ANKRD44: variants seen among roughly 807,000 people sequenced by gnomAD.
ANKRD44 encodes ankyrin repeat domain 44.
In ANKRD44, 35 loss-of-function variants were observed where a neutral mutation model predicts 116.0. That is an observed-to-expected ratio of 0.30 (90% confidence interval 0.23 to 0.40). The LOEUF (loss-of-function observed/expected upper bound fraction) is 0.40, where lower values mean the gene tolerates loss of function less well. Among genes scored for constraint, ANKRD44 ranks in the 10% least tolerant of loss-of-function variants. The pLI is 1.00. For synonymous variants in ANKRD44, 435 were observed against 461.8 expected (o/e 0.94, Z 0.74); for missense variants, 1,014 against 1,242.6 (o/e 0.82, Z 2.77).
chr2:197,239,669 T>TG (rs1367023461), intron 1 of ANKRD44, among the ~76,000 whole-genome samples: 2 of 152,376 alleles, frequency 1.3e-5, no homozygotes, highest in African/African-American at 4.8e-5. Context: ...CAACGTGTCT[T>TG]GGTTTTACTT....
chr2:197,089,850 C>A, intron 11 of ANKRD44, 100 bp downstream of exon 11: 1 of 959,838 alleles, frequency 1.0e-6, no homozygotes. Context: ...CAGGTAATGA[C>A]ATGAAGCACA....
At chr2:197,210,950 G>A (rs2697306) in intron 1 of ANKRD44, among the ~76,000 whole-genome samples, 52,472 of 151,926 alleles carry the variant, frequency 0.35, 10,115 homozygotes, top group African/African-American at 0.53. Flanking sequence ...TGCTCCATCA[G>A]TGGGGTTTAC....
At chr2:197,233,669 A>C (rs1162270750) in intron 1 of ANKRD44, among the ~76,000 whole-genome samples, 2 of 152,220 alleles carry the variant, frequency 1.3e-5, no homozygotes, top group Non-Finnish European at 2.9e-5. Context: ...CACTGGTCAC[A>C]GCTTCTTGTT....
At chr2:197,013,026 A>C (rs533568422) in intron 18 of ANKRD44, among the ~76,000 whole-genome samples, 3 of 152,216 alleles carry the variant, frequency 2.0e-5, no homozygotes, top group African/African-American at 7.2e-5. Context: ...TGATTTTTAC[A>C]TCGATGTGTA....
chr2:197,140,267 T>G (rs1331590671), intron 3 of ANKRD44, among the ~76,000 whole-genome samples: 1 of 152,088 alleles, frequency 6.6e-6, no homozygotes, highest in East Asian at 1.9e-4. Context: ...ATGTATAAGA[T>G]TGCTTAGTTT....
intron 9 of ANKRD44, among the ~76,000 whole-genome samples, chr2:197,108,859 C>CAAAAAAA (rs1380015361): frequency 1.0e-4 from 15 of 148,658 alleles, no homozygotes; most frequent in African/African-American, 3.9e-4. Flanking sequence ...ACAACAACAA[C>CAAAAAAA]AACAACAACA....
chr2:197,013,581 C>T lies in ANKRD44; in HGVS notation c.1854G>A (p.Ala618=), dbSNP rs766324388. 4.3e-5 allele frequency: 69 copies of T among 1,614,038 alleles called. No homozygotes were observed. Among genetic ancestry groups the T allele is most frequent in the Middle Eastern group, 3.3e-4 (2 of 6,082 alleles). Reference sequence around the variant, plus strand: ...AGATGGATGCGCCCTGATTGATAAGCGCTTCCACACATTCTGTGTGTCCTT... The same window carrying T: ...AGATGGATGCGCCCTGATTGATAAGTGCTTCCACACATTCTGTGTGTCCTT... The part of the protein sequence containing the change: ...AFKGHTECVE[A]LINQGASIFV... Residue 618 remains alanine, a synonymous_variant, in exon 18 of 28, where the codon GCG becomes GCA. Coordinates refer to ENST00000282272, the MANE Select transcript of ANKRD44 (RefSeq NM_001195144.2).
chr2:197,192,084 A>G (rs1261656401), intron 1 of ANKRD44, among the ~76,000 whole-genome samples: 2 of 152,226 alleles, frequency 1.3e-5, no homozygotes, highest in Non-Finnish European at 2.9e-5. Flanking sequence ...GAAGTCATCA[A>G]TGCCCTCCCA....
At chr2:197,099,024 C>T (rs1388050751) in intron 10 of ANKRD44, among the ~76,000 whole-genome samples, 2 of 152,060 alleles carry the variant, frequency 1.3e-5, no homozygotes, top group Non-Finnish European at 2.9e-5. Context: ...TCCCGCTTTC[C>T]TCCCTGCTTG....
At chr2:197,058,525 AC>A (rs921952081) in intron 16 of ANKRD44, among the ~76,000 whole-genome samples, 1 of 152,106 alleles carries the variant, frequency 6.6e-6, no homozygotes, top group Non-Finnish European at 1.5e-5. Flanking sequence ...AAGATCAGAA[AC>A]TTATAGTTGA....
intron 2 of ANKRD44, among the ~76,000 whole-genome samples, chr2:197,153,039 T>C (rs2079696106): frequency 6.6e-6 from 1 of 151,398 alleles, no homozygotes. Flanking sequence ...TCGTCTCTAT[T>C]AAAAGTAATT....
chr2:197,147,016 C>A lies in ANKRD44; in HGVS notation c.190+11G>T, dbSNP rs746729003. 6.2e-7 allele frequency: 1 copy of A among 1,611,438 alleles called. No homozygotes were observed. The highest frequency in any genetic ancestry group is 1.1e-5 in the South Asian group (1 of 90,966). On this transcript the variant is annotated intron_variant, in intron 3 of 27. Transcript: ENST00000282272. ...ATTTGCAATTGACTTTTGAGTATAG[C>A]AGTTATTTACCTGACAAAATCAGGA...
chr2:197,209,059 C>T (rs2697309), intron 1 of ANKRD44, among the ~76,000 whole-genome samples: 140,459 of 152,264 alleles, frequency 0.92, 64,857 homozygotes, highest in East Asian at 1. Flanking sequence ...TGCTTTGTGC[C>T]GCTCAAGTGA....
intron 27 of ANKRD44, chr2:196,990,812 G>A (rs2075901224): frequency 2.4e-6 from 3 of 1,232,210 alleles, no homozygotes; most frequent in African/African-American, 1.5e-5. Context: ...TTAAACAAAC[G>A]AAGTTGACAG....
intron 17 of ANKRD44, among the ~76,000 whole-genome samples, chr2:197,018,183 T>C (rs564018750): frequency 2.9e-4 from 44 of 152,330 alleles, no homozygotes; most frequent in African/African-American, 1.0e-3. Context: ...ATGCAACCAT[T>C]GGGTGAAATC....
At position 196,989,305 on chromosome 2, in the gene ANKRD44, C is replaced by A; in HGVS notation, c.*286G>T. On this transcript the variant is annotated 3_prime_UTR_variant, in exon 28 of 28. Coordinates refer to ENST00000282272, the MANE Select transcript of ANKRD44 (RefSeq NM_001195144.2). ...AAAAAAAAAAAAAAGGTCAGCACATCATCAGTTACAAATGTTAAGTGGTCA... is the reference window on the plus strand; with the variant it reads ...AAAAAAAAAAAAAAGGTCAGCACATAATCAGTTACAAATGTTAAGTGGTCA... 2.0e-6 allele frequency: 2 copies of A among 992,626 alleles called. No individual in the cohort carries two copies. Among genetic ancestry groups the A allele is most frequent in the East Asian group, 9.5e-5 (1 of 10,532 alleles). 61.5% of individuals were successfully genotyped at this position (992,626 alleles called of 1,614,324 possible). A position where few individuals can be genotyped will look rare whatever the true frequency, so the allele number is the denominator to read the frequency against.
At chr2:197,161,437 T>C (rs2079962364) in intron 2 of ANKRD44, among the ~76,000 whole-genome samples, 1 of 152,088 alleles carries the variant, frequency 6.6e-6, no homozygotes, top group Non-Finnish European at 1.5e-5. Context: ...CAGGACTAAC[T>C]AGTATTTTTT....
intron 9 of ANKRD44, among the ~76,000 whole-genome samples, chr2:197,103,576 T>C (rs914528319): frequency 1.3e-5 from 2 of 152,214 alleles, no homozygotes; most frequent in Non-Finnish European, 2.9e-5. Context: ...CTTTTTGTAC[T>C]GATGTCTAAA....
At chr2:197,292,401 T>C (rs2083597250) in intron 1 of ANKRD44, among the ~76,000 whole-genome samples, 1 of 152,224 alleles carries the variant, frequency 6.6e-6, no homozygotes, top group Non-Finnish European at 1.5e-5. Flanking sequence ...ATTGTGGTTT[T>C]GATTTGCATT....
Sources: allele counts gnomAD v4.1 joint callset (sites outside exome capture counted in the v4.1 genomes callset), GRCh38; gene constraint gnomAD v4.1.1; transcripts MANE v1.5; gene names NCBI Gene and HGNC (gene_info 2026-07-23, HGNC 2026-07-21).